Variants in CHD7 observed in about 807,000 individuals in gnomAD.
CHD7 encodes chromodomain helicase DNA binding protein 7.
Under a neutral mutation model 307.3 loss-of-function variants are expected in CHD7, and 24 were observed. That is an observed-to-expected ratio of 0.08 (90% CI 0.06 to 0.11). CHD7 has a LOEUF of 0.11. Ranked by LOEUF, CHD7 falls within the 10% of genes least tolerant of loss-of-function variation. The pLI is 1.00. For synonymous variants in CHD7, 1,363 were observed against 1,349.9 expected (o/e 1.01, Z -0.21); for missense variants, 3,106 against 3,727.1 (o/e 0.83, Z 4.34).
chr8:60,772,477 A>T (rs915855349), intron 2 of CHD7, among the ~76,000 whole-genome samples: 7 of 152,324 alleles, frequency 4.6e-5, no homozygotes, highest in African/African-American at 1.7e-4. Context: ...TAAACATGCA[A>T]AGCGTTTTGA....
At chr8:60,832,758 G>A (rs147772714) in intron 15 of CHD7, among the ~76,000 whole-genome samples, 129 of 152,210 alleles carry the variant, frequency 8.5e-4, no homozygotes, top group African/African-American at 2.9e-3. Context: ...GAACATTGTG[G>A]GTTGTTTTCC....
intron 2 of CHD7, among the ~76,000 whole-genome samples, chr8:60,762,433 G>A (rs1234505028): frequency 2.0e-5 from 3 of 152,172 alleles, no homozygotes; most frequent in Admixed American, 2.0e-4. Flanking sequence ...TGAAGAGCAT[G>A]GCCCTGGAGT....
Position 60,799,410 on chromosome 8 carries a change from C to A in CHD7, c.2239-978C>A, listed in dbSNP as rs185323757. Among the ~76,000 whole-genome samples the A allele has an allele frequency of 3.8e-3, 582 of 152,282 alleles. 5 individuals are homozygous for A. The highest frequency in any genetic ancestry group is 0.013 in the African/African-American group (553 of 41,552). On this transcript the variant is annotated intron_variant, in intron 4 of 37. Transcript: ENST00000423902. Reference sequence around the variant, plus strand: ...GTGATCCTGCTAATACTGGCTATTACCAATCTTTTTAATTTTAACCACTAT... The same window carrying A: ...GTGATCCTGCTAATACTGGCTATTAACAATCTTTTTAATTTTAACCACTAT...
chr8:60,703,082 C>T (rs1806846956), intron 1 of CHD7, among the ~76,000 whole-genome samples: 1 of 152,192 alleles, frequency 6.6e-6, no homozygotes, highest in African/African-American at 2.4e-5. Context: ...CAGGGAGGCC[C>T]AACATATTTG....
At chr8:60,740,605 T>C (rs1008002592) in intron 1 of CHD7, among the ~76,000 whole-genome samples, 3 of 152,256 alleles carry the variant, frequency 2.0e-5, no homozygotes, top group Admixed American at 6.5e-5. Flanking sequence ...AATGAAATTA[T>C]GAATTTATTG....
At chr8:60,820,133 A>C in intron 9 of CHD7, 43 bp downstream of exon 9, 1 of 1,298,476 alleles carries the variant, frequency 7.7e-7, no homozygotes, top group Non-Finnish European at 1.1e-6. Context: ...GATTCAGGCA[A>C]CCCATACATG....
intron 1 of CHD7, among the ~76,000 whole-genome samples, chr8:60,716,550 A>G (rs1413015612): frequency 6.6e-6 from 1 of 152,174 alleles, no homozygotes; most frequent in Non-Finnish European, 1.5e-5. Context: ...TCCCGATCAT[A>G]CATAACTATC....
chr8:60,851,705 A>AT lies in CHD7; in HGVS notation c.5666-308dup, dbSNP rs200802182. The stretch of plus-strand genomic sequence containing the variant: ...ATCATTACACAACAATTATGCAGTT[A>AT]TTTTTTATACTCAAGATGATTATTG... On this transcript the variant is annotated intron_variant, in intron 28 of 37. Transcript: ENST00000423902. Among the ~76,000 whole-genome samples the AT allele has an allele frequency of 0.017, 2,563 of 152,306 alleles. 30 individuals carry two copies. The highest frequency in any genetic ancestry group is 0.025 in the Non-Finnish European group (1,717 of 68,014).
At chr8:60,819,915 A>C in intron 8 of CHD7, 92 bp from the exon 9 acceptor site, 1 of 882,774 alleles carries the variant, frequency 1.1e-6, no homozygotes, top group Non-Finnish European at 1.8e-6. Context: ...TATTGCTGTG[A>C]CCCAAAATAT....
At chr8:60,697,474 A>G (rs1480926368) in intron 1 of CHD7, among the ~76,000 whole-genome samples, 1 of 152,234 alleles carries the variant, frequency 6.6e-6, no homozygotes, top group African/African-American at 2.4e-5. Context: ...AACAGAGACA[A>G]ATTGTTAACA....
At chr8:60,860,760 T>TC in intron 34 of CHD7, 144 bp from the exon 35 acceptor site, 2 of 698,300 alleles carry the variant, frequency 2.9e-6, no homozygotes, top group Non-Finnish European at 4.7e-6. Flanking sequence ...TAATAGCTGT[T>TC]CCCAAACAAC....
At chr8:60,781,529 A>G (rs967426205) in intron 3 of CHD7, 99 bp downstream of exon 3, 78 of 1,403,290 alleles carry the variant, frequency 5.6e-5, no homozygotes, top group Non-Finnish European at 7.1e-5. Context: ...GAGGGGACAC[A>G]ATGATTTTTG....
rs1293376351 is a variant in CHD7, at chr8:60,738,815, C to T, written c.-174-2444C>T. 4.6e-5 allele frequency among the ~76,000 whole-genome samples: 7 copies of T among 152,130 alleles called. No individual in the cohort carries two copies. The East Asian group carries it at 5.8e-4, about 13-fold the overall frequency. Reference sequence around the variant, plus strand: ...TACCTGAGCATGGTTGTAGTTGTGCCGAGCGACATGCTTAGTTGATACCAT... The same window carrying T: ...TACCTGAGCATGGTTGTAGTTGTGCTGAGCGACATGCTTAGTTGATACCAT... On this transcript the variant is annotated intron_variant, in intron 1 of 37. Coordinates refer to ENST00000423902, the MANE Select transcript of CHD7 (RefSeq NM_017780.4).
intron 2 of CHD7, among the ~76,000 whole-genome samples, chr8:60,756,670 A>G (rs1173698835): frequency 6.6e-6 from 1 of 152,194 alleles, no homozygotes; most frequent in Admixed American, 6.5e-5. Context: ...CAGCCTGGGC[A>G]GCATAGTGAG....
At chr8:60,853,709 C>T (rs1187419062) in intron 31 of CHD7, among the ~76,000 whole-genome samples, 1 of 152,188 alleles carries the variant, frequency 6.6e-6, no homozygotes, top group African/African-American at 2.4e-5. Flanking sequence ...AACATAAACT[C>T]TAAGAAGGGT....
In CHD7 at chr8:60,781,020, T is replaced by G; in HGVS notation, c.1686T>G (p.Phe562Leu). ...CTCAGCATTCCCCGTCGGAGCCCTTTCTAGAGAAACCAGTGCCGGATATGA... is the reference window on the plus strand; with the variant it reads ...CTCAGCATTCCCCGTCGGAGCCCTTGCTAGAGAAACCAGTGCCGGATATGA... ...PVHQHSPSEP[F>L]LEKPVPDMTQ... The change falls in exon 3 of 38, where the codon TTT becomes TTG. Residue 562 changes from phenylalanine to leucine, a missense_variant. Physicochemically the swap from Phe to Leu is conservative, Grantham distance 22. Around this residue, in one of 10 missense-constraint regions of CHD7, gnomAD observed 998 missense variants for 1,004.5 expected, o/e 0.99. Coordinates refer to ENST00000423902, the MANE Select transcript of CHD7 (RefSeq NM_017780.4). 1 of 1,573,280 alleles carries G rather than the reference T, an allele frequency of 6.4e-7. No homozygotes were observed. Among genetic ancestry groups the G allele is most frequent in the Non-Finnish European group, 8.6e-7 (1 of 1,164,362 alleles).
At chr8:60,748,635 T>C (rs1809451783) in intron 2 of CHD7, among the ~76,000 whole-genome samples, 1 of 152,248 alleles carries the variant, frequency 6.6e-6, no homozygotes, top group East Asian at 1.9e-4. Context: ...AAAGACTAAT[T>C]AAGTGGATTG....
intron 1 of CHD7, among the ~76,000 whole-genome samples, chr8:60,732,642 T>C (rs902216298): frequency 3.9e-5 from 6 of 152,170 alleles, no homozygotes; most frequent in Non-Finnish European, 5.9e-5. Context: ...AAAATCAGGC[T>C]AATAAACATG....
chr8:60,695,633 G>T (rs567037851), intron 1 of CHD7, among the ~76,000 whole-genome samples: 2 of 152,340 alleles, frequency 1.3e-5, no homozygotes, highest in East Asian at 1.9e-4. Flanking sequence ...AGCATGTTCT[G>T]TGAGAGAATA....
Sources: allele counts gnomAD v4.1 joint callset (sites outside exome capture counted in the v4.1 genomes callset), GRCh38; gene constraint gnomAD v4.1.1; regional missense constraint gnomAD v4.1.1; transcripts MANE v1.5; gene names NCBI Gene and HGNC (gene_info 2026-07-23, HGNC 2026-07-21).